The following CA4 variants were observed in gnomAD, a reference collection of about 807,000 sequenced individuals.
The protein encoded by CA4 is CA-IV.
A neutral mutation model predicts 34.5 loss-of-function variants in CA4; 24 were observed. The ratio of observed to expected loss-of-function variants is 0.70; its 90% confidence interval spans 0.50 to 0.98. The LOEUF (loss-of-function observed/expected upper bound fraction) is 0.98, where lower values mean the gene tolerates loss of function less well. Ranked by LOEUF, CA4 falls within the 50% of genes least tolerant of loss-of-function variation. CA4 has a pLI of 0.00. For missense variants in CA4, 394 were observed against 396.7 expected (o/e 0.99, Z 0.06); for synonymous variants, 178 against 170.6 (o/e 1.04, Z -0.34).
chr17:60,169,843 ACTGG>A (rs987021387), intron 5 of CA4, among the ~76,000 whole-genome samples: 15 of 152,188 alleles, frequency 9.9e-5, no homozygotes, highest in African/African-American at 3.6e-4. Context: ...CCAAATTTAC[ACTGG>A]CTATTTCCCC....
chr17:60,166,141 A>G (rs2083853270), intron 5 of CA4, among the ~76,000 whole-genome samples: 2 of 152,144 alleles, frequency 1.3e-5, no homozygotes, highest in South Asian at 4.1e-4. Context: ...CTCCTGTGTG[A>G]TTCTGGTGTT....
downstream of CA4, among the ~76,000 whole-genome samples, chr17:60,161,156 G>A (rs532346546): frequency 3.1e-4 from 47 of 152,120 alleles, no homozygotes; most frequent in Non-Finnish European, 5.9e-4. Context: ...CCACCACCAC[G>A]GTGATTACAT....
At chr17:60,158,165 G>T (rs776725003) in intron 6 of CA4, 38 bp downstream of exon 6, 190 of 1,611,648 alleles carry the variant, frequency 1.2e-4, no homozygotes, top group Non-Finnish European at 1.5e-4. Context: ...GGGGTGAGGG[G>T]GGGGATTCCT....
At position 60,169,498 on chromosome 17, in the gene CA4, T is replaced by A. The variant is rs1286031037; in HGVS notation, c.*179-1053T>A. On this transcript the variant is annotated intron_variant and NMD_transcript_variant, in intron 5 of 5. Transcript: ENST00000586876. ...TACAGGCCCTGGAGGCTGACTTTTT[T>A]ATTTTTTTTAAGATGGAGTCTTGCT... Among the ~76,000 whole-genome samples the A allele has an allele frequency of 5.3e-5, 8 of 152,072 alleles. No individual in the cohort carries two copies. In the East Asian group the frequency reaches 1.2e-3, roughly 22 times the overall value.
chr17:60,155,225 C>G, intron 1 of CA4, 89 bp from the exon 2 acceptor site: 2 of 1,286,430 alleles, frequency 1.6e-6, no homozygotes, highest in Non-Finnish European at 1.1e-6. Context: ...GGCTCCAACC[C>G]CAGGGGTAGG....
chr17:60,155,650 ACT>A (rs1161621402), intron 2 of CA4, among the ~76,000 whole-genome samples: 7 of 150,044 alleles, frequency 4.7e-5, no homozygotes, highest in African/African-American at 1.5e-4. Flanking sequence ...GCACACACAC[ACT>A]CACACTCACA....
intron 5 of CA4, among the ~76,000 whole-genome samples, chr17:60,168,027 G>A (rs1410847741): frequency 2.0e-5 from 3 of 151,964 alleles, no homozygotes; most frequent in Non-Finnish European, 4.4e-5. Context: ...ATAGGGTTGG[G>A]TATGACAAGC....
intron 5 of CA4, among the ~76,000 whole-genome samples, chr17:60,168,607 C>T (rs540725844): frequency 1.3e-5 from 2 of 150,884 alleles, no homozygotes; most frequent in African/African-American, 2.4e-5. Context: ...TGTGGAAATA[C>T]GAACAGCTCT....
chr17:60,151,147 C>A (rs920470518), intron 1 of CA4, among the ~76,000 whole-genome samples: 1 of 152,180 alleles, frequency 6.6e-6, no homozygotes, highest in African/African-American at 2.4e-5. Context: ...TTCTTTGCAA[C>A]CCCAGACCCC....
Position 60,158,155 on chromosome 17 carries a change from G to A in CA4, c.580+28G>A, listed in dbSNP as rs1408409921. On this transcript the variant is annotated intron_variant, in intron 6 of 7. Coordinates refer to ENST00000300900, the MANE Select transcript of CA4 (RefSeq NM_000717.5). ...GAGTCAGGATGGGGGAGAAGGGCTT[G>A]GGGTGAGGGGGGGGATTCCTCCCAC... 9.9e-6 allele frequency: 16 copies of A among 1,612,766 alleles called. No individual in the cohort carries two copies. The East Asian group carries it at 3.6e-4, about 36-fold the overall frequency.
chr17:60,170,315 T>G (rs1194186652), intron 5 of CA4, among the ~76,000 whole-genome samples: 2 of 152,180 alleles, frequency 1.3e-5, no homozygotes, highest in Admixed American at 1.3e-4. Context: ...GAGCACGAGA[T>G]TCTCATGGCT....
At chr17:60,160,808 G>GGGC (rs2083779255), downstream of CA4, among the ~76,000 whole-genome samples, 2 of 151,866 alleles carry the variant, frequency 1.3e-5, no homozygotes, top group South Asian at 4.2e-4. Context: ...CTGGGGGAAG[G>GGGC]GGCGGCTGGG....
At chr17:60,171,692 T>C (rs1468204026), downstream of CA4, among the ~76,000 whole-genome samples, 3 of 152,184 alleles carry the variant, frequency 2.0e-5, no homozygotes, top group Non-Finnish European at 4.4e-5. Flanking sequence ...CAGGCAGCAC[T>C]ACACCCCCCA....
At chr17:60,157,308 C>A in intron 3 of CA4, 119 bp from the exon 4 acceptor site, 1 of 1,182,262 alleles carries the variant, frequency 8.5e-7, no homozygotes, top group Non-Finnish European at 1.2e-6. Context: ...AGGCCAGAAC[C>A]AGAGCTCATG....
At chr17:60,163,580 G>T (rs1217177321), downstream of CA4, among the ~76,000 whole-genome samples, 1 of 152,182 alleles carries the variant, frequency 6.6e-6, no homozygotes, top group African/African-American at 2.4e-5. Flanking sequence ...GTTTATCTGA[G>T]AGGGACAAAG....
At chr17:60,153,840 G>C (rs2083633428) in intron 1 of CA4, among the ~76,000 whole-genome samples, 1 of 152,198 alleles carries the variant, frequency 6.6e-6, no homozygotes, top group East Asian at 1.9e-4. Flanking sequence ...CCTGCCCGGG[G>C]CTGGGGATGG....
chr17:60,174,783 T>C, downstream of CA4, among the ~76,000 whole-genome samples: 1 of 152,236 alleles, frequency 6.6e-6, no homozygotes, highest in East Asian at 1.9e-4. Flanking sequence ...CATTCTGGTG[T>C]GTCCCAGTAA....
rs2083862220 is a variant in CA4, at chr17:60,167,002, T to C, written c.*179-3549T>C. On this transcript the variant is annotated intron_variant and NMD_transcript_variant, in intron 5 of 5. Transcript: ENST00000586876. ...CCCAAAAAACAAATAGAGCTGAGAT[T>C]TGAACCCAGAAATTCTGATACTTGA... Among the ~76,000 whole-genome samples the C allele has an allele frequency of 2.6e-5, 4 of 152,258 alleles. No homozygotes were observed. The South Asian group carries it at 8.3e-4, about 32-fold the overall frequency.
intron 3 of CA4, chr17:60,156,984 G>T: frequency 1.8e-6 from 1 of 555,794 alleles, no homozygotes; most frequent in Non-Finnish European, 3.2e-6. Flanking sequence ...GAACAGCTCG[G>T]CGTGTTCAGA....
Sources: gnomAD v4.1 joint callset for allele counts (sites outside exome capture counted in the v4.1 genomes callset) on GRCh38, gnomAD v4.1.1 for gene constraint, MANE v1.5 for transcripts, NCBI Gene and HGNC (gene_info 2026-07-23, HGNC 2026-07-21) for gene names.